The following SOX5 variants were observed in gnomAD, a reference collection of about 807,000 sequenced individuals.
SOX5 encodes the protein SRY-box transcription factor 5.
SOX5 carries 9 observed loss-of-function variants against 92.0 expected under a neutral mutation model. The observed-to-expected ratio is 0.10, with a 90% CI of 0.06 to 0.17. The LOEUF (loss-of-function observed/expected upper bound fraction) is 0.17. Ranked by LOEUF, SOX5 falls within the 10% of genes least tolerant of loss-of-function variation. The pLI is 1.00. For synonymous variants in SOX5, 344 were observed against 336.3 expected (o/e 1.02, Z -0.25); for missense variants, 642 against 944.5 (o/e 0.68, Z 4.20).
At chr12:23,942,225 C>A (rs937254397) in intron 1 of SOX5, among the ~76,000 whole-genome samples, 1 of 151,668 alleles carries the variant, frequency 6.6e-6, no homozygotes, top group African/African-American at 2.4e-5. Context: ...TGTCGTATTT[C>A]TTTTTCATTA....
At chr12:23,541,173 T>C (rs145606035) in intron 13 of SOX5, among the ~76,000 whole-genome samples, 2 of 152,322 alleles carry the variant, frequency 1.3e-5, no homozygotes, top group Non-Finnish European at 2.9e-5. Context: ...GGAATTCTCA[T>C]AGCCAGTCAT....
chr12:23,929,976 C>T (rs1311148477), intron 1 of SOX5, among the ~76,000 whole-genome samples: 3 of 151,862 alleles, frequency 2.0e-5, no homozygotes, highest in Admixed American at 2.0e-4. Flanking sequence ...ACCAAAGCTT[C>T]CCTACAATTT....
chr12:24,531,294 CA>C lies in SOX5; in HGVS notation c.-251+31034del, dbSNP rs2034642544. ...TTATCTGAAAACTTAATATGAGACA[CA>C]AAAAGCCACTGAAATTATTTTTTCC... On this transcript the variant is annotated intron_variant, in intron 1 of 4. Transcript: ENST00000446891. Among the ~76,000 whole-genome samples, 6 of 152,180 alleles carry C rather than the reference CA, an allele frequency of 3.9e-5. No homozygotes were observed. In the South Asian group the frequency reaches 1.0e-3, roughly 26 times the overall value.
intron 4 of SOX5, among the ~76,000 whole-genome samples, chr12:24,145,575 C>T (rs557580823): frequency 2.0e-5 from 3 of 152,172 alleles, no homozygotes; most frequent in Admixed American, 2.0e-4. Context: ...CGGCTCACTG[C>T]AGCCTCAACC....
chr12:24,045,018 C>T (rs1407356321), intron 4 of SOX5, among the ~76,000 whole-genome samples: 3 of 151,996 alleles, frequency 2.0e-5, no homozygotes, highest in Non-Finnish European at 4.4e-5. Context: ...AGAGTGGGTT[C>T]CAAAAAAATC....
intron 1 of SOX5, among the ~76,000 whole-genome samples, chr12:24,539,969 G>A (rs1236303357): frequency 6.6e-6 from 1 of 152,030 alleles, no homozygotes; most frequent in African/African-American, 2.4e-5. Flanking sequence ...TGAAAACTGG[G>A]TCAATTATTT....
chr12:24,561,558 G>A (rs748624785), intron 1 of SOX5, among the ~76,000 whole-genome samples: 2 of 152,144 alleles, frequency 1.3e-5, no homozygotes, highest in South Asian at 2.1e-4. Flanking sequence ...AAGTGCAAGC[G>A]AGATTTCCCA....
In SOX5 at chr12:23,698,897, C is replaced by A. The variant is rs140286035; in HGVS notation, c.811-33333G>T. On this transcript the variant is annotated intron_variant, in intron 6 of 14. Coordinates refer to ENST00000451604, the MANE Select transcript of SOX5 (RefSeq NM_006940.6). ...TGAAGCAATACTCTTCCTGAAGATA[C>A]AACCCTACCCTCTACATGTTACGAG... is the stretch of plus-strand genomic sequence containing the variant. 8.4e-3 allele frequency among the ~76,000 whole-genome samples: 1,279 copies of A among 152,270 alleles called. 19 individuals carry two copies. Among genetic ancestry groups the A allele is most frequent in the African/African-American group, 0.029 (1,220 of 41,546 alleles).
intron 3 of SOX5, among the ~76,000 whole-genome samples, chr12:23,839,443 C>A (rs1363234906): frequency 1.3e-5 from 2 of 152,106 alleles, no homozygotes; most frequent in Non-Finnish European, 2.9e-5. Context: ...ACTCTAAAGG[C>A]ATCTCAAATG....
intron 4 of SOX5, among the ~76,000 whole-genome samples, chr12:24,173,492 C>T (rs766987803): frequency 5.3e-5 from 8 of 152,204 alleles, no homozygotes; most frequent in East Asian, 1.9e-4. Flanking sequence ...GCAGCTGATA[C>T]GCTGGCCTTT....
chr12:24,263,411 C>T (rs1942480953), intron 3 of SOX5, among the ~76,000 whole-genome samples: 2 of 151,106 alleles, frequency 1.3e-5, no homozygotes, highest in Non-Finnish European at 3.0e-5. Context: ...GCCTGTAGTC[C>T]CAGCTGCTCG....
At chr12:23,958,040 A>T (rs888188662) in intron 4 of SOX5, among the ~76,000 whole-genome samples, 16 of 152,086 alleles carry the variant, frequency 1.1e-4, no homozygotes, top group African/African-American at 3.9e-4. Context: ...TTATTTTTAA[A>T]TCTTGCATAG....
chr12:24,136,156 A>T (rs1434520461), intron 4 of SOX5, among the ~76,000 whole-genome samples: 1 of 152,242 alleles, frequency 6.6e-6, no homozygotes, highest in Non-Finnish European at 1.5e-5. Context: ...AGCTCCAGAA[A>T]ATGATGACAG....
chr12:24,502,244 C>A (rs538075766), intron 1 of SOX5, among the ~76,000 whole-genome samples: 14 of 152,112 alleles, frequency 9.2e-5, no homozygotes, highest in Non-Finnish European at 1.6e-4. Flanking sequence ...TGGCCAATTC[C>A]AACAATGGGT....
chr12:24,341,313 T>C (rs1952549395), intron 2 of SOX5, among the ~76,000 whole-genome samples: 1 of 151,904 alleles, frequency 6.6e-6, no homozygotes, highest in African/African-American at 2.4e-5. Flanking sequence ...CCTGTCTCTA[T>C]AAAAACATTT....
intron 3 of SOX5, among the ~76,000 whole-genome samples, chr12:23,797,391 T>C (rs966463511): frequency 1.3e-5 from 2 of 152,172 alleles, no homozygotes; most frequent in African/African-American, 4.8e-5. Context: ...GGTTGAACAA[T>C]TTCCTAAGTT....
chr12:23,613,691 T>C (rs1208435501), intron 8 of SOX5, among the ~76,000 whole-genome samples: 1 of 152,148 alleles, frequency 6.6e-6, no homozygotes, highest in Non-Finnish European at 1.5e-5. Flanking sequence ...TAGAAAGAAA[T>C]GAAATTCTGG....
intron 4 of SOX5, among the ~76,000 whole-genome samples, chr12:23,981,984 G>A (rs991653886): frequency 6.6e-6 from 1 of 152,090 alleles, no homozygotes; most frequent in Non-Finnish European, 1.5e-5. Flanking sequence ...GGCTTCTAGT[G>A]GGTAACCTAG....
intron 4 of SOX5, among the ~76,000 whole-genome samples, chr12:24,142,349 C>T (rs961506899): frequency 3.9e-5 from 6 of 152,072 alleles, no homozygotes; most frequent in Non-Finnish European, 7.4e-5. Context: ...GGATTGTTTT[C>T]AACACCATGA....
Sources: gnomAD v4.1 joint callset for allele counts (sites outside exome capture counted in the v4.1 genomes callset) on GRCh38, gnomAD v4.1.1 for gene constraint, MANE v1.5 for transcripts, NCBI Gene and HGNC (gene_info 2026-07-23, HGNC 2026-07-21) for gene names.